Variants in NOL4 observed in about 807,000 individuals in gnomAD.
NOL4 encodes the protein nucleolar protein 4.
In NOL4, 17 loss-of-function variants were observed where a neutral mutation model predicts 75.9. The ratio of observed to expected loss-of-function variants is 0.22; its 90% CI spans 0.15 to 0.34. The LOEUF is 0.34. Ranked by LOEUF, NOL4 falls within the 10% of genes least tolerant of loss-of-function variation. The pLI is 1.00. For missense variants in NOL4, 614 were observed against 793.5 expected (o/e 0.77, Z 2.72); for synonymous variants, 292 against 289.9 (o/e 1.01, Z -0.07).
chr18:34,197,087 A>G (rs186481279), intron 1 of NOL4, among the ~76,000 whole-genome samples: 212 of 121,178 alleles, frequency 1.7e-3, no homozygotes, highest in Non-Finnish European at 2.0e-3. Flanking sequence ...TGTGCATGAG[A>G]AAAACTACAA....
chr18:34,100,419 C>T (rs1217423876), intron 4 of NOL4, among the ~76,000 whole-genome samples: 1 of 152,282 alleles, frequency 6.6e-6, no homozygotes, highest in East Asian at 1.9e-4. Context: ...CTGCTGTCAT[C>T]CTGAGCACCC....
intron 2 of NOL4, among the ~76,000 whole-genome samples, chr18:34,114,414 C>T (rs1261088309): frequency 1.3e-5 from 2 of 152,126 alleles, no homozygotes; most frequent in Non-Finnish European, 2.9e-5. Context: ...AAAATCACAA[C>T]TTCCATGTGA....
chr18:34,007,671 T>G (rs544675798), intron 6 of NOL4, among the ~76,000 whole-genome samples: 2 of 152,158 alleles, frequency 1.3e-5, no homozygotes, highest in East Asian at 1.9e-4. Context: ...GGGTATTTAA[T>G]TATTGTTCAT....
At chr18:34,064,240 C>T (rs543022676) in intron 5 of NOL4, among the ~76,000 whole-genome samples, 2 of 151,920 alleles carry the variant, frequency 1.3e-5, no homozygotes, top group Admixed American at 1.3e-4. Flanking sequence ...TATCCTTAGC[C>T]AAGTTTTCTT....
At chr18:34,214,714 C>T (rs919411373) in intron 1 of NOL4, among the ~76,000 whole-genome samples, 3 of 152,064 alleles carry the variant, frequency 2.0e-5, no homozygotes, top group African/African-American at 7.2e-5. Context: ...TCTGCCCACT[C>T]GTGTTCATTG....
chr18:34,015,252 C>T (rs965250552), intron 6 of NOL4, among the ~76,000 whole-genome samples: 7 of 151,962 alleles, frequency 4.6e-5, no homozygotes, highest in African/African-American at 7.2e-5. Context: ...CAGTCTCCTT[C>T]GCAATTAAAA....
At chr18:34,133,126 G>C (rs1003528576) in intron 1 of NOL4, among the ~76,000 whole-genome samples, 2 of 151,904 alleles carry the variant, frequency 1.3e-5, no homozygotes, top group African/African-American at 4.8e-5. Context: ...TACAAAATTA[G>C]CTGGGTGTGG....
chr18:33,889,373 A>C (rs905513483), intron 9 of NOL4, among the ~76,000 whole-genome samples: 1 of 152,148 alleles, frequency 6.6e-6, no homozygotes, highest in South Asian at 2.1e-4. Flanking sequence ...TTGAGGCAAT[A>C]ATTAATAGCC....
At chr18:33,912,905 G>A (rs1054585434) in intron 9 of NOL4, among the ~76,000 whole-genome samples, 1 of 152,068 alleles carries the variant, frequency 6.6e-6, no homozygotes, top group Non-Finnish European at 1.5e-5. Flanking sequence ...TAACATGAAA[G>A]CTCACTGGAA....
rs542213158 is a variant in NOL4, at chr18:34,107,869, T to G, written c.415-2709A>C. Among the ~76,000 whole-genome samples, 14 of 152,118 alleles carry G rather than the reference T, an allele frequency of 9.2e-5. No homozygotes were observed. In the South Asian group the frequency reaches 2.9e-3, roughly 32 times the overall value. ...AAATACCTTCACAACAACTAAGGAATCCAAGTAAGTGATTACAGCACCTGA... is the reference window on the plus strand; with the variant it reads ...AAATACCTTCACAACAACTAAGGAAGCCAAGTAAGTGATTACAGCACCTGA... On this transcript the variant is annotated intron_variant, in intron 2 of 10. Coordinates refer to ENST00000261592, the MANE Select transcript of NOL4 (RefSeq NM_003787.5).
chr18:33,999,396 C>T (rs536832903), intron 6 of NOL4, among the ~76,000 whole-genome samples: 17 of 151,912 alleles, frequency 1.1e-4, no homozygotes, highest in African/African-American at 4.1e-4. Context: ...ATATAACACA[C>T]TAAGAAATAT....
chr18:33,864,439 C>A (rs1375940865), intron 10 of NOL4, among the ~76,000 whole-genome samples: 1 of 152,192 alleles, frequency 6.6e-6, no homozygotes, highest in Admixed American at 6.5e-5. Flanking sequence ...ACCAGCATAG[C>A]AAGAGTGACC....
rs1308466705 is a variant in NOL4 at position 33,852,717 on chromosome 18, G to T, written c.*125C>A. On this transcript the variant is annotated 3_prime_UTR_variant, in exon 11 of 11. Transcript: ENST00000261592. ...TCACTTACGGATCAAGGACAATGTGGCATAATGGAAGTATTTCTCTTAAAA... is the reference window on the plus strand; with the variant it reads ...TCACTTACGGATCAAGGACAATGTGTCATAATGGAAGTATTTCTCTTAAAA... 1.2e-6 allele frequency: 1 copy of T among 812,032 alleles called. No individual in the cohort carries two copies. Among genetic ancestry groups the T allele is most frequent in the Non-Finnish European group, 1.9e-6 (1 of 521,650 alleles). 50.3% of individuals were successfully genotyped at this position (812,032 alleles called of 1,614,324 possible).
intron 1 of NOL4, among the ~76,000 whole-genome samples, chr18:34,164,799 T>C (rs1301875685): frequency 4.6e-5 from 7 of 151,840 alleles, no homozygotes; most frequent in Admixed American, 4.6e-4. Context: ...CACGTATGTT[T>C]ATTGCGGCAC....
intron 9 of NOL4, among the ~76,000 whole-genome samples, chr18:33,908,984 A>C (rs1464991130): frequency 2.0e-5 from 3 of 152,140 alleles, no homozygotes; most frequent in African/African-American, 7.2e-5. Flanking sequence ...ATACAATAGG[A>C]AGACAAATAT....
In NOL4 at chr18:34,166,909, G is replaced by T. The variant is rs1048358663; in HGVS notation, c.265-36889C>A. Among the ~76,000 whole-genome samples, 4 of 96,882 alleles carry T rather than the reference G, an allele frequency of 4.1e-5. 2 individuals are homozygous for T. The highest frequency in any genetic ancestry group is 8.9e-5 in the Non-Finnish European group (4 of 45,086). 63.6% of individuals were successfully genotyped at this position (96,882 alleles called of 152,430 possible). On this transcript the variant is annotated intron_variant, in intron 1 of 10. Transcript: ENST00000261592. ...AAAAATTAGCCGGGCGCGGTGGCAGGCGCCTGTAGTCCCAGCTACTGGGGA... is the reference window on the plus strand; with the variant it reads ...AAAAATTAGCCGGGCGCGGTGGCAGTCGCCTGTAGTCCCAGCTACTGGGGA...
chr18:34,189,455 T>C (rs2034745748), intron 1 of NOL4, among the ~76,000 whole-genome samples: 1 of 152,134 alleles, frequency 6.6e-6, no homozygotes, highest in South Asian at 2.1e-4. Flanking sequence ...ACTCAAAACG[T>C]AGCAAGCAGT....
intron 6 of NOL4, among the ~76,000 whole-genome samples, chr18:34,006,283 A>T (rs2074021125): frequency 6.6e-6 from 1 of 152,106 alleles, no homozygotes. Flanking sequence ...TGTCAACTTG[A>T]TTAGGCTAAG....
intron 10 of NOL4, among the ~76,000 whole-genome samples, chr18:33,859,975 A>G (rs1376444645): frequency 6.6e-6 from 1 of 152,118 alleles, no homozygotes; most frequent in African/African-American, 2.4e-5. Context: ...TTAAAAAGGA[A>G]AGAGGTTTAA....
Sources: gnomAD v4.1 joint callset for allele counts (sites outside exome capture counted in the v4.1 genomes callset) on GRCh38, gnomAD v4.1.1 for gene constraint, MANE v1.5 for transcripts, NCBI Gene and HGNC (gene_info 2026-07-23, HGNC 2026-07-21) for gene names.